Variants in CDK8 observed in about 807,000 individuals in gnomAD.
CDK8 encodes cyclin-dependent kinase 8.
A neutral mutation model predicts 71.5 loss-of-function variants in CDK8; 29 were observed. The observed-to-expected ratio is 0.41, with a 90% CI of 0.30 to 0.55. The LOEUF (loss-of-function observed/expected upper bound fraction) is 0.55. CDK8 is among the 20% of genes least tolerant of loss of function. CDK8 has a pLI of 0.37. For synonymous variants in CDK8, 161 were observed against 192.1 expected, an observed-to-expected ratio of 0.84 and a Z score of 1.34; for missense variants, 288 against 572.6, an observed-to-expected ratio of 0.50 and a Z score of 5.07.
At chr13:26,293,553 C>T (rs1339885653) in intron 1 of CDK8, among the ~76,000 whole-genome samples, 5 of 142,776 alleles carry the variant, frequency 3.5e-5, no homozygotes, top group Non-Finnish European at 6.0e-5. Context: ...TGCAGTGAGC[C>T]GAGATTGCAT....
intron 1 of CDK8, among the ~76,000 whole-genome samples, chr13:26,283,651 G>A (rs879697414): frequency 7.1e-6 from 1 of 141,716 alleles, no homozygotes. Context: ...TATAATCCCA[G>A]CACTTTGGGA....
chr13:26,332,488 C>CATATAT (rs71188722), intron 1 of CDK8, among the ~76,000 whole-genome samples: 56,469 of 147,922 alleles, frequency 0.38, 12,305 homozygotes, highest in Non-Finnish European at 0.5. Context: ...CCATATAATA[C>CATATAT]ATATATATAT....
Position 26,271,806 on chromosome 13 carries a change from C to CTTTTTTTT in CDK8, c.128+17066_128+17073dup, listed in dbSNP as rs58160694. Reference sequence around the variant, plus strand: ...CCTGGGGGACAGAGTGAGACCCTGTCTTTTTTTTTTTTTTTTTTTTTTTTT... The same window carrying CTTTTTTTT: ...CCTGGGGGACAGAGTGAGACCCTGTCTTTTTTTTTTTTTTTTTTTTTTTTTTTTTTTTT... On this transcript the variant is annotated intron_variant, in intron 1 of 12. Transcript: ENST00000381527. Among the ~76,000 whole-genome samples, 7 of 62,670 alleles carry CTTTTTTTT rather than the reference C, an allele frequency of 1.1e-4. 2 individuals carry two copies. The highest frequency in any genetic ancestry group is 2.6e-4 in the African/African-American group (3 of 11,550). 41.1% of individuals were successfully genotyped at this position (62,670 alleles called of 152,430 possible). A position where few individuals can be genotyped will look rare whatever the true frequency, so the allele number is the denominator to read the frequency against.
At chr13:26,281,714 T>C (rs1872758784) in intron 1 of CDK8, among the ~76,000 whole-genome samples, 2 of 118,644 alleles carry the variant, frequency 1.7e-5, no homozygotes, top group South Asian at 5.1e-4. Flanking sequence ...CAGGGAAAGG[T>C]GAAAACCAAC....
At chr13:26,369,448 C>CAA (rs1162252506) in intron 4 of CDK8, among the ~76,000 whole-genome samples, 1,704 of 45,552 alleles carry the variant, frequency 0.037, 91 homozygotes, top group South Asian at 0.05. Context: ...GACCCTGTCT[C>CAA]AAAAAAAAAA....
chr13:26,264,881 A>G (rs1871954805), intron 1 of CDK8, among the ~76,000 whole-genome samples: 1 of 152,180 alleles, frequency 6.6e-6, no homozygotes, highest in Admixed American at 6.5e-5. Context: ...CTCAAGTTCC[A>G]TTCACGTTGC....
At chr13:26,403,712 G>A (rs1327875287) in intron 12 of CDK8, among the ~76,000 whole-genome samples, 2 of 152,160 alleles carry the variant, frequency 1.3e-5, no homozygotes, top group South Asian at 4.1e-4. Context: ...AGAAAAAAAT[G>A]TATTTGCACA....
chr13:26,283,384 C>T (rs995537168), intron 1 of CDK8, among the ~76,000 whole-genome samples: 31 of 152,152 alleles, frequency 2.0e-4, no homozygotes, highest in African/African-American at 5.8e-4. Flanking sequence ...CCGAGGCGGG[C>T]GGATCACAAG....
In CDK8 at chr13:26,401,655, T is replaced by C. The variant is rs1222769105; in HGVS notation, c.1269+31T>C. On this transcript the variant is annotated intron_variant, in intron 12 of 12. Transcript: ENST00000381527. The surrounding 1 kb of genome is among the most constrained non-coding windows in gnomAD (Gnocchi z 4.5). Reference sequence around the variant, plus strand: ...CCAAGTTTATTTTGTATTGACTGCATGTCAGTGTTTACATATGGGTTTATG... The same window carrying C: ...CCAAGTTTATTTTGTATTGACTGCACGTCAGTGTTTACATATGGGTTTATG... 1 of 1,606,306 alleles carries C rather than the reference T, an allele frequency of 6.2e-7. No individual in the cohort carries two copies. The highest frequency in any genetic ancestry group is 1.1e-5 in the South Asian group (1 of 90,908).
At chr13:26,359,073 T>C in intron 4 of CDK8, 2 of 273,506 alleles carry the variant, frequency 7.3e-6, no homozygotes, top group Middle Eastern at 4.5e-4. Flanking sequence ...AATTGACATA[T>C]GTACAAGGAT....
At chr13:26,322,161 T>G (rs1874806910) in intron 1 of CDK8, among the ~76,000 whole-genome samples, 1 of 152,192 alleles carries the variant, frequency 6.6e-6, no homozygotes. Context: ...TTCCAACTAT[T>G]GGGAAATGAC....
In CDK8 at chr13:26,254,535, C is replaced by G; in HGVS notation, c.-107C>G. ...TCGGGCTGGTGCTGCGGCCGGCGGG[C>G]GTAGAGCGGGCGGGTTCCCGGGGGC... is the stretch of plus-strand genomic sequence containing the variant. On this transcript the variant is annotated 5_prime_UTR_variant, in exon 1 of 13. Coordinates refer to ENST00000381527, the MANE Select transcript of CDK8 (RefSeq NM_001260.3). This position sits in a 1 kb window ranked among gnomAD's most constrained non-coding sequence, Gnocchi z 6.7. The G allele has an allele frequency of 1.1e-6, 1 of 898,942 alleles. No homozygotes were observed. Among genetic ancestry groups the G allele is most frequent in the Non-Finnish European group, 1.7e-6 (1 of 601,612 alleles). The allele number at this position is 898,942 out of a possible 1,614,324, so 55.7% of individuals were successfully genotyped here.
chr13:26,351,650 T>C (rs1438230704), intron 3 of CDK8, among the ~76,000 whole-genome samples: 1 of 152,192 alleles, frequency 6.6e-6, no homozygotes, highest in Non-Finnish European at 1.5e-5. Context: ...GCAAATTTTA[T>C]TGTGGGTAAT....
At chr13:26,309,703 C>G (rs550831893) in intron 1 of CDK8, among the ~76,000 whole-genome samples, 32 of 152,154 alleles carry the variant, frequency 2.1e-4, no homozygotes, top group Admixed American at 1.4e-3. Flanking sequence ...TGAGTACTGT[C>G]ACATTTACAT....
At chr13:26,304,913 CT>C (rs1273409018) in intron 1 of CDK8, among the ~76,000 whole-genome samples, 1 of 152,150 alleles carries the variant, frequency 6.6e-6, no homozygotes, top group Non-Finnish European at 1.5e-5. Flanking sequence ...AATGATCCCC[CT>C]GCCTCAGCCT....
At chr13:26,361,111 T>G (rs929210902) in intron 4 of CDK8, among the ~76,000 whole-genome samples, 1 of 152,224 alleles carries the variant, frequency 6.6e-6, no homozygotes, top group African/African-American at 2.4e-5. Context: ...TTCTCAAATT[T>G]TTTCTTTAAT....
chr13:26,319,378 A>T (rs921333934), intron 1 of CDK8, among the ~76,000 whole-genome samples: 1 of 152,004 alleles, frequency 6.6e-6, no homozygotes, highest in African/African-American at 2.4e-5. Context: ...CTGAGGCAGG[A>T]GAATTGCTTG....
chr13:26,288,791 ACT>A (rs973722126), intron 1 of CDK8, among the ~76,000 whole-genome samples: 2 of 151,748 alleles, frequency 1.3e-5, no homozygotes, highest in African/African-American at 4.8e-5. Context: ...ACAGAATCTC[ACT>A]CTGTCACCCA....
intron 1 of CDK8, among the ~76,000 whole-genome samples, chr13:26,273,823 G>A (rs988852453): frequency 6.6e-6 from 1 of 151,832 alleles, no homozygotes; most frequent in Non-Finnish European, 1.5e-5. Context: ...ATCAATTGTA[G>A]AAAATACAAG....
Sources: gnomAD v4.1 joint callset for allele counts (sites outside exome capture counted in the v4.1 genomes callset) on GRCh38, gnomAD v4.1.1 for gene constraint, Gnocchi (gnomAD v3.1) non-coding constraint, MANE v1.5 for transcripts, NCBI Gene and HGNC (gene_info 2026-07-23, HGNC 2026-07-21) for gene names.